HS1BP3: variants seen among roughly 807,000 people sequenced by gnomAD.
HS1BP3 encodes the protein HCLS1-binding protein 3.
HS1BP3 carries 32 observed loss-of-function variants against 33.5 expected under a neutral mutation model. That is an observed-to-expected ratio of 0.95 (90% CI 0.72 to 1.28). The LOEUF is 1.28. Among genes scored for constraint, HS1BP3 ranks in the 50% most tolerant of loss-of-function variants. The pLI is 0.00. For missense variants in HS1BP3, 486 were observed against 502.3 expected, an observed-to-expected ratio of 0.97 and a Z score of 0.31; for synonymous variants, 187 against 209.2, an observed-to-expected ratio of 0.89 and a Z score of 0.92.
At chr2:20,630,425 T>C (rs1474231499) in intron 4 of HS1BP3, among the ~76,000 whole-genome samples, 1 of 152,050 alleles carries the variant, frequency 6.6e-6, no homozygotes, top group Non-Finnish European at 1.5e-5. Flanking sequence ...CCATAACACG[T>C]GGCTAATTAA....
chr2:20,642,768 AGAG>A (rs1695397265), intron 2 of HS1BP3, among the ~76,000 whole-genome samples: 1 of 152,232 alleles, frequency 6.6e-6, no homozygotes, highest in Admixed American at 6.5e-5. Flanking sequence ...ACCAGCAACA[AGAG>A]GAGGCCAAGT....
intron 5 of HS1BP3, among the ~76,000 whole-genome samples, chr2:20,562,470 C>A (rs1047852707): frequency 1.3e-5 from 2 of 151,972 alleles, no homozygotes; most frequent in South Asian, 2.1e-4. Context: ...CAGAGTGAGA[C>A]CTTGTGTCTA....
chr2:20,575,121 C>T (rs1021077802), intron 5 of HS1BP3, among the ~76,000 whole-genome samples: 1 of 152,210 alleles, frequency 6.6e-6, no homozygotes, highest in Non-Finnish European at 1.5e-5. Flanking sequence ...TGCTACTCAC[C>T]CCCATATTGT....
At chr2:20,601,359 C>G (rs568015732) in intron 2 of HS1BP3, among the ~76,000 whole-genome samples, 13 of 152,300 alleles carry the variant, frequency 8.5e-5, no homozygotes, top group African/African-American at 3.1e-4. Context: ...TGCTTCTAAT[C>G]TGCCGTCATC....
At chr2:20,643,648 G>A (rs949011337) in intron 2 of HS1BP3, among the ~76,000 whole-genome samples, 5 of 152,216 alleles carry the variant, frequency 3.3e-5, no homozygotes, top group East Asian at 1.9e-4. Flanking sequence ...GTGGCTGGGC[G>A]TGGGGGTTCA....
intron 3 of HS1BP3, among the ~76,000 whole-genome samples, chr2:20,595,002 T>TA (rs1215029626): frequency 9.2e-5 from 14 of 151,466 alleles, no homozygotes; most frequent in African/African-American, 3.4e-4. Flanking sequence ...TTGTCGGGAG[T>TA]AAAAAAACAC....
downstream of HS1BP3, among the ~76,000 whole-genome samples, chr2:20,555,484 C>T (rs1198092667): frequency 6.6e-6 from 1 of 152,172 alleles, no homozygotes; most frequent in Non-Finnish European, 1.5e-5. Flanking sequence ...TGCATGAAGC[C>T]AGCCCTCACT....
intron 1 of HS1BP3, 123 bp from the exon 2 acceptor site, chr2:20,645,628 C>T: frequency 1.0e-6 from 1 of 961,800 alleles, no homozygotes; most frequent in Non-Finnish European, 1.5e-6. Flanking sequence ...GCTGGCTGTC[C>T]TCAGTGGTCA....
intron 5 of HS1BP3, among the ~76,000 whole-genome samples, chr2:20,577,441 C>G (rs1454910112): frequency 6.6e-6 from 1 of 152,136 alleles, no homozygotes; most frequent in East Asian, 1.9e-4. Flanking sequence ...CCAGGGCTTC[C>G]TTTGAAACAA....
chr2:20,646,871 G>A (rs529574233), intron 1 of HS1BP3, among the ~76,000 whole-genome samples: 26 of 152,336 alleles, frequency 1.7e-4, no homozygotes, highest in African/African-American at 5.1e-4. Flanking sequence ...AAGGAGCTCT[G>A]CTACCCAGAC....
intron 2 of HS1BP3, among the ~76,000 whole-genome samples, chr2:20,612,444 G>T (rs6719474): frequency 6.6e-6 from 1 of 152,170 alleles, no homozygotes; most frequent in African/African-American, 2.4e-5. Flanking sequence ...TATCACCCTG[G>T]GAAAGATTCT....
chr2:20,627,343 C>A (rs1016873308), intron 4 of HS1BP3, among the ~76,000 whole-genome samples: 1 of 152,264 alleles, frequency 6.6e-6, no homozygotes, highest in Non-Finnish European at 1.5e-5. Flanking sequence ...TTGCATGTAA[C>A]CAGCCACGGG....
At chr2:20,622,161 A>C in intron 6 of HS1BP3, 1 of 1,275,488 alleles carries the variant, frequency 7.8e-7, no homozygotes, top group African/African-American at 1.5e-5. Context: ...AGAATGAACG[A>C]AGGGGTGAAA....
intron 5 of HS1BP3, among the ~76,000 whole-genome samples, chr2:20,583,977 G>A (rs1179988937): frequency 1.3e-5 from 2 of 152,210 alleles, no homozygotes; most frequent in African/African-American, 2.4e-5. Context: ...ACCATATTTG[G>A]TGCCAGGCTC....
At chr2:20,648,513 AC>A (rs1001965327) in intron 1 of HS1BP3, among the ~76,000 whole-genome samples, 16 of 151,988 alleles carry the variant, frequency 1.1e-4, no homozygotes, top group African/African-American at 2.9e-4. Flanking sequence ...TGGCTGGAGC[AC>A]CCCCTCACTC....
downstream of HS1BP3, among the ~76,000 whole-genome samples, chr2:20,616,693 G>A (rs976129311): frequency 2.6e-5 from 4 of 152,230 alleles, no homozygotes; most frequent in African/African-American, 2.4e-5. Flanking sequence ...CCTACCCTAA[G>A]CAGCAGCCTG....
intron 3 of HS1BP3, among the ~76,000 whole-genome samples, chr2:20,593,296 CTCA>C: frequency 6.6e-6 from 1 of 152,282 alleles, no homozygotes; most frequent in East Asian, 1.9e-4. Context: ...TTCCTTACCA[CTCA>C]TCACCATCAC....
At chr2:20,565,821 G>C (rs1660210609) in intron 5 of HS1BP3, among the ~76,000 whole-genome samples, 1 of 152,238 alleles carries the variant, frequency 6.6e-6, no homozygotes, top group Admixed American at 6.5e-5. Flanking sequence ...GCAGCCCAGA[G>C]AGCCGGAGCC....
At position 20,618,785 on chromosome 2, in the gene HS1BP3, G is replaced by T; in HGVS notation, c.*202C>A. 7.2e-7 allele frequency: 1 copy of T among 1,392,108 alleles called. No homozygotes were observed. Among genetic ancestry groups the T allele is most frequent in the Non-Finnish European group, 9.3e-7 (1 of 1,077,960 alleles). 86.2% of individuals were successfully genotyped at this position (1,392,108 alleles called of 1,614,324 possible). A position where few individuals can be genotyped will look rare whatever the true frequency, so the allele number is the denominator to read the frequency against. ...GGCTCTGGCTCCTAGGGTGAGAGCC[G>T]CTCCCGCAGCCCGCAGGCTTCTACT... On this transcript the variant is annotated 3_prime_UTR_variant, in exon 7 of 7. Transcript: ENST00000304031.
Sources: allele counts gnomAD v4.1 joint callset (sites outside exome capture counted in the v4.1 genomes callset), GRCh38; gene constraint gnomAD v4.1.1; transcripts MANE v1.5; gene names NCBI Gene and HGNC (gene_info 2026-07-23, HGNC 2026-07-21).